Variants in OSBPL9 observed in about 807,000 individuals in gnomAD.
The protein encoded by OSBPL9 is oxysterol-binding protein-related protein 9.
OSBPL9 carries 40 observed loss-of-function variants against 106.6 expected under a neutral mutation model. The ratio of observed to expected loss-of-function variants is 0.38; its 90% CI spans 0.29 to 0.49. The LOEUF (loss-of-function observed/expected upper bound fraction) is 0.49. OSBPL9 is among the 20% of genes least tolerant of loss of function. The pLI is 0.97. For missense variants in OSBPL9, 609 were observed against 887.2 expected (o/e 0.69, Z 3.98); for synonymous variants, 269 against 295.4 (o/e 0.91, Z 0.92).
rs759913316 is a variant in OSBPL9, at chr1:51,700,622, CTGTT to C, written c.242-13380_242-13377del. Among the ~76,000 whole-genome samples, 104 of 152,200 alleles carry C rather than the reference CTGTT, an allele frequency of 6.8e-4. No homozygotes were observed. The Middle Eastern group carries it at 0.02, about 30-fold the overall frequency. ...TGGCAAGAATACCACAAACATGATGCTGTTGTTTCCTTGTCTCAGTGGATTGTAT... is the reference window on the plus strand; with the variant it reads ...TGGCAAGAATACCACAAACATGATGCGTTTCCTTGTCTCAGTGGATTGTAT... On this transcript the variant is annotated intron_variant, in intron 3 of 23. Coordinates refer to ENST00000428468, the MANE Select transcript of OSBPL9 (RefSeq NM_024586.6).
intron 21 of OSBPL9, 165 bp from the exon 22 acceptor site, chr1:51,786,361 C>G (rs764078390): frequency 3.5e-6 from 2 of 577,450 alleles, no homozygotes; most frequent in African/African-American, 1.9e-5. Flanking sequence ...CTACTGCCCA[C>G]TCAGTGTTCT....
the OSBPL9 span, among the ~76,000 whole-genome samples, chr1:51,544,531 C>T: frequency 0.083 from 12,604 of 152,116 alleles, 606 homozygotes; most frequent in African/African-American, 0.11. Context: ...TTGGAACTTT[C>T]GTGTAGGCTT....
the OSBPL9 span, among the ~76,000 whole-genome samples, chr1:51,525,009 A>T: frequency 7.9e-5 from 12 of 152,358 alleles, no homozygotes; most frequent in Admixed American, 2.0e-4. Flanking sequence ...AAGTCAGAGG[A>T]TGGGCTGCAG....
chr1:51,599,947 G>C (rs768689641), intron 2 of OSBPL9, among the ~76,000 whole-genome samples: 1 of 152,168 alleles, frequency 6.6e-6, no homozygotes, highest in Non-Finnish European at 1.5e-5. Flanking sequence ...GAAGAAGGAG[G>C]CAAAAAGGGA....
chr1:51,733,107 T>C (rs1428384577), intron 4 of OSBPL9, among the ~76,000 whole-genome samples: 1 of 152,244 alleles, frequency 6.6e-6, no homozygotes, highest in Non-Finnish European at 1.5e-5. Flanking sequence ...TTTGTTACTC[T>C]TGTGTGTGCT....
In OSBPL9 at chr1:51,748,066, G is replaced by A. The variant is rs562440145; in HGVS notation, c.463-303G>A. On this transcript the variant is annotated intron_variant, in intron 6 of 23. Transcript: ENST00000428468. ...GGCCTCCCAAAGTGCTGGGATTACC[G>A]GCTCAAGCCACCGTGCCCAGCCAGG... Among the ~76,000 whole-genome samples the A allele has an allele frequency of 1.9e-4, 29 of 152,190 alleles. No homozygotes were observed. In the East Asian group the frequency reaches 4.2e-3, roughly 22 times the overall value.
At chr1:51,523,605 C>T in the OSBPL9 span, among the ~76,000 whole-genome samples, 2 of 152,008 alleles carry the variant, frequency 1.3e-5, no homozygotes, top group Admixed American at 6.6e-5. Flanking sequence ...GTCCTGCAGA[C>T]ATTAATCACC....
At chr1:51,608,597 C>G (rs1038177393) in intron 2 of OSBPL9, among the ~76,000 whole-genome samples, 7 of 151,936 alleles carry the variant, frequency 4.6e-5, no homozygotes, top group African/African-American at 1.7e-4. Flanking sequence ...GCCACCACAA[C>G]TGGCCTTCAA....
chr1:51,716,867 C>CT (rs1048202310), intron 4 of OSBPL9, among the ~76,000 whole-genome samples: 3 of 151,922 alleles, frequency 2.0e-5, no homozygotes, highest in Admixed American at 1.3e-4. Flanking sequence ...TCTTCTTTTG[C>CT]TTTTTTTAAA....
chr1:51,701,859 C>T (rs1165361918), intron 3 of OSBPL9, among the ~76,000 whole-genome samples: 2 of 152,182 alleles, frequency 1.3e-5, no homozygotes, highest in South Asian at 2.1e-4. Context: ...CATGTGTTCT[C>T]GTTGTTCAAT....
At position 51,776,929 on chromosome 1, in the gene OSBPL9, G is replaced by A; in HGVS notation, c.1256+11G>A. On this transcript the variant is annotated intron_variant, in intron 15 of 23. Coordinates refer to ENST00000428468, the MANE Select transcript of OSBPL9 (RefSeq NM_024586.6). ...GGACCTGTTTGTGAGGTATTTGACT[G>A]AACATGGTAGTTTCCAACGTTTACA... The A allele has an allele frequency of 1.3e-6, 2 of 1,588,236 alleles. No homozygotes were observed. Among genetic ancestry groups the A allele is most frequent in the South Asian group, 2.2e-5 (2 of 90,436 alleles).
intron 4 of OSBPL9, among the ~76,000 whole-genome samples, chr1:51,715,250 A>G (rs1660818369): frequency 6.6e-6 from 1 of 152,192 alleles, no homozygotes; most frequent in African/African-American, 2.4e-5. Flanking sequence ...TTATTAGGGG[A>G]CTTTAAGAAA....
At chr1:51,553,978 CA>C in the OSBPL9 span, among the ~76,000 whole-genome samples, 4 of 151,998 alleles carry the variant, frequency 2.6e-5, no homozygotes, top group South Asian at 2.1e-4. Flanking sequence ...CCCACCTGGC[CA>C]AAAAAAATTT....
At chr1:51,592,373 C>T (rs1645281446) in intron 1 of OSBPL9, among the ~76,000 whole-genome samples, 1 of 152,150 alleles carries the variant, frequency 6.6e-6, no homozygotes, top group Admixed American at 6.5e-5. Flanking sequence ...TCTCGGCCTC[C>T]CAAAGTGCTG....
intron 12 of OSBPL9, among the ~76,000 whole-genome samples, chr1:51,768,342 T>C (rs990644396): frequency 7.9e-5 from 12 of 152,154 alleles, no homozygotes; most frequent in Non-Finnish European, 1.5e-4. Context: ...GCCTCCTGAA[T>C]AGCTGGGATT....
At chr1:51,663,569 A>G (rs192276717) in intron 2 of OSBPL9, among the ~76,000 whole-genome samples, 1 of 152,356 alleles carries the variant, frequency 6.6e-6, no homozygotes, top group East Asian at 1.9e-4. Context: ...GTAGGAGAAT[A>G]TTTTCATGGC....
intron 3 of OSBPL9, among the ~76,000 whole-genome samples, chr1:51,685,698 C>T (rs1365980294): frequency 6.6e-6 from 1 of 152,114 alleles, no homozygotes; most frequent in African/African-American, 2.4e-5. Context: ...GCACCCGGCC[C>T]CTACTATGAT....
the OSBPL9 span, chr1:51,561,988 C>A: frequency 6.6e-6 from 1 of 152,160 alleles, no homozygotes; most frequent in Admixed American, 6.5e-5. Flanking sequence ...TGAATCTACT[C>A]CCCCTGGTAA....
chr1:51,665,664 T>C (rs1456186380), intron 2 of OSBPL9, among the ~76,000 whole-genome samples: 1 of 152,154 alleles, frequency 6.6e-6, no homozygotes, highest in Non-Finnish European at 1.5e-5. Context: ...CACTGAAGAA[T>C]GCTCAGGATC....
Sources: allele counts gnomAD v4.1 joint callset (sites outside exome capture counted in the v4.1 genomes callset), GRCh38; gene constraint gnomAD v4.1.1; transcripts MANE v1.5; gene names NCBI Gene and HGNC (gene_info 2026-07-23, HGNC 2026-07-21).